PDCD10: variants seen among roughly 807,000 people sequenced by gnomAD.
PDCD10 encodes programmed cell death protein 10.
A neutral mutation model predicts 29.2 loss-of-function variants in PDCD10; 4 were observed. The ratio of observed to expected loss-of-function variants is 0.14; its 90% confidence interval spans 0.07 to 0.31. PDCD10 has a LOEUF of 0.31. PDCD10 is among the 10% of genes least tolerant of loss of function. The pLI is 1.00. For synonymous variants in PDCD10, 70 were observed against 82.2 expected (o/e 0.85, Z 0.80); for missense variants, 183 against 257.9 (o/e 0.71, Z 1.99).
chr3:167,688,121 A>G (rs1418358939), intron 6 of PDCD10, among the ~76,000 whole-genome samples: 1 of 152,234 alleles, frequency 6.6e-6, no homozygotes, highest in Non-Finnish European at 1.5e-5. Flanking sequence ...GAACAATTTT[A>G]TAATATTCTG....
At chr3:167,707,984 C>T (rs1159781038) in intron 3 of PDCD10, among the ~76,000 whole-genome samples, 1 of 152,158 alleles carries the variant, frequency 6.6e-6, no homozygotes, top group Non-Finnish European at 1.5e-5. Context: ...CATTTGGAGA[C>T]AATGGATAGG....
At chr3:167,708,094 T>TA (rs1445369412) in intron 3 of PDCD10, among the ~76,000 whole-genome samples, 1 of 152,136 alleles carries the variant, frequency 6.6e-6, no homozygotes, top group African/African-American at 2.4e-5. Context: ...TAAGAACACT[T>TA]ACACTTACTA....
intron 3 of PDCD10, among the ~76,000 whole-genome samples, chr3:167,718,446 G>C (rs926361207): frequency 6.6e-6 from 1 of 152,030 alleles, no homozygotes; most frequent in Admixed American, 6.6e-5. Context: ...CTGCCAAAGA[G>C]GGACATAACC....
At chr3:167,704,757 GA>G in intron 4 of PDCD10, 84 bp downstream of exon 4, 2 of 964,884 alleles carry the variant, frequency 2.1e-6, no homozygotes, top group Non-Finnish European at 1.7e-6. Flanking sequence ...TTCCCTTAAA[GA>G]AAATAAACTG....
chr3:167,722,040 A>C (rs1231256446), intron 2 of PDCD10, among the ~76,000 whole-genome samples: 2 of 152,116 alleles, frequency 1.3e-5, no homozygotes, highest in Non-Finnish European at 2.9e-5. Flanking sequence ...CCACTTCAAA[A>C]TAAATTGGGA....
At chr3:167,695,539 A>G (rs1177364550) in intron 6 of PDCD10, 57 bp downstream of exon 6, 2 of 1,501,106 alleles carry the variant, frequency 1.3e-6, no homozygotes, top group East Asian at 4.5e-5. Context: ...AATGTAGATG[A>G]GTAGTTCCTC....
intron 3 of PDCD10, among the ~76,000 whole-genome samples, chr3:167,708,697 G>A (rs1428579579): frequency 6.6e-6 from 1 of 152,204 alleles, no homozygotes; most frequent in African/African-American, 2.4e-5. Context: ...TTGTCCATGT[G>A]AAGTTCAACG....
chr3:167,712,583 C>G (rs755660236), intron 3 of PDCD10, among the ~76,000 whole-genome samples: 4 of 151,554 alleles, frequency 2.6e-5, no homozygotes, highest in Admixed American at 6.6e-5. Flanking sequence ...AACCAGAAAA[C>G]AAGTAACAAA....
intron 4 of PDCD10, among the ~76,000 whole-genome samples, chr3:167,701,607 A>G (rs1308493419): frequency 6.6e-6 from 1 of 152,236 alleles, no homozygotes; most frequent in Admixed American, 6.5e-5. Context: ...ACTTGTCCCA[A>G]AACACCACAC....
intron 3 of PDCD10, among the ~76,000 whole-genome samples, chr3:167,717,476 T>C (rs559151509): frequency 7.8e-4 from 119 of 152,174 alleles, no homozygotes; most frequent in African/African-American, 2.6e-3. Flanking sequence ...CCTTTAAATC[T>C]GCACAGCACA....
chr3:167,716,559 T>A (rs1723039171), intron 3 of PDCD10, among the ~76,000 whole-genome samples: 1 of 151,380 alleles, frequency 6.6e-6, no homozygotes, highest in Non-Finnish European at 1.5e-5. Flanking sequence ...CACAAAAATT[T>A]AAAAAAATTT....
chr3:167,708,615 G>C (rs1307824671), intron 3 of PDCD10, among the ~76,000 whole-genome samples: 1 of 152,142 alleles, frequency 6.6e-6, no homozygotes, highest in Non-Finnish European at 1.5e-5. Flanking sequence ...AAGTAAACAA[G>C]CTTGCTAGAA....
At chr3:167,706,331 A>T (rs1559961663) in intron 3 of PDCD10, among the ~76,000 whole-genome samples, 1 of 152,232 alleles carries the variant, frequency 6.6e-6, no homozygotes, top group Non-Finnish European at 1.5e-5. Context: ...GTAGTCATGC[A>T]TCGCTTAATG....
At chr3:167,692,572 A>G (rs1186080461) in intron 6 of PDCD10, among the ~76,000 whole-genome samples, 1 of 152,208 alleles carries the variant, frequency 6.6e-6, no homozygotes, top group Non-Finnish European at 1.5e-5. Flanking sequence ...TTCCTCCTTC[A>G]CATATTAAAA....
At chr3:167,693,153 A>G (rs1267367642) in intron 6 of PDCD10, among the ~76,000 whole-genome samples, 1 of 152,226 alleles carries the variant, frequency 6.6e-6, no homozygotes, top group East Asian at 1.9e-4. Context: ...CTAGCTAGGT[A>G]TCCAAACAAG....
chr3:167,690,160 T>C (rs191786987), intron 6 of PDCD10, among the ~76,000 whole-genome samples: 1 of 152,310 alleles, frequency 6.6e-6, no homozygotes, highest in African/African-American at 2.4e-5. Flanking sequence ...GAGAAGGAAC[T>C]TAGCAATTTG....
chr3:167,726,122 T>G (rs1176469892), intron 2 of PDCD10, among the ~76,000 whole-genome samples: 3 of 138,248 alleles, frequency 2.2e-5, no homozygotes. Context: ...CTGTTTTTTT[T>G]TTTTTTTTTT....
intron 6 of PDCD10, among the ~76,000 whole-genome samples, chr3:167,689,362 T>C (rs1455479379): frequency 1.3e-5 from 2 of 152,194 alleles, no homozygotes; most frequent in Non-Finnish European, 2.9e-5. Context: ...AATGGAGTTA[T>C]TTAAAATGGA....
chr3:167,730,509 CT>C (rs1189839527), intron 2 of PDCD10, among the ~76,000 whole-genome samples: 1 of 151,822 alleles, frequency 6.6e-6, no homozygotes, highest in East Asian at 1.9e-4. Context: ...TCAACACTGA[CT>C]TTTTAAAAAG....
Sources: gnomAD v4.1 joint callset for allele counts (sites outside exome capture counted in the v4.1 genomes callset) on GRCh38, gnomAD v4.1.1 for gene constraint, MANE v1.5 for transcripts, NCBI Gene and HGNC (gene_info 2026-07-23, HGNC 2026-07-21) for gene names.